The following ROBO2 variants were observed in gnomAD, a reference collection of about 807,000 sequenced individuals.
ROBO2 encodes the protein roundabout homolog 2.
A neutral mutation model predicts 160.8 loss-of-function variants in ROBO2; 53 were observed. The observed-to-expected ratio is 0.33, with a 90% confidence interval of 0.26 to 0.41. The LOEUF (loss-of-function observed/expected upper bound fraction) is 0.41. Among genes scored for constraint, ROBO2 ranks in the 10% least tolerant of loss-of-function variants. The pLI is 1.00. For missense variants in ROBO2, 1,577 were observed against 1,722.4 expected (o/e 0.92, Z 1.49); for synonymous variants, 664 against 611.7 (o/e 1.09, Z -1.26).
intron 2 of ROBO2, among the ~76,000 whole-genome samples, chr3:76,515,592 T>C (rs10511045): frequency 0.3 from 45,739 of 152,028 alleles, 8,531 homozygotes; most frequent in Non-Finnish European, 0.41. Flanking sequence ...TTGTGTACAT[T>C]TGCATATAAA....
Position 77,294,793 on chromosome 3 carries a change from G to A in ROBO2, c.389-182621G>A, listed in dbSNP as rs150419776. On this transcript the variant is annotated intron_variant, in intron 2 of 25. Coordinates refer to ENST00000461745, the Ensembl canonical transcript of ROBO2. The stretch of plus-strand genomic sequence containing the variant: ...CAAAGTAAAATTGACGGTTAAACGG[G>A]TAAGCTGAGGCTAGATCACCCCAGA... Among the ~76,000 whole-genome samples the A allele has an allele frequency of 8.9e-3, 1,347 of 150,686 alleles. 13 individuals are homozygous for A. The highest frequency in any genetic ancestry group is 0.016 in the Non-Finnish European group (1,066 of 67,824).
At chr3:76,597,299 C>T (rs1393654033) in intron 2 of ROBO2, among the ~76,000 whole-genome samples, 4 of 151,648 alleles carry the variant, frequency 2.6e-5, no homozygotes, top group South Asian at 2.1e-4. Flanking sequence ...CTGTAAAAGC[C>T]GTGTGAAGAG....
At chr3:76,465,998 G>GGT (rs57838247) in intron 2 of ROBO2, among the ~76,000 whole-genome samples, 9,903 of 147,494 alleles carry the variant, frequency 0.067, 342 homozygotes, top group Non-Finnish European at 0.08. Flanking sequence ...ATAAAATATG[G>GGT]GTGTGTGTGT....
At chr3:75,999,080 T>A (rs1026761225) in intron 2 of ROBO2, among the ~76,000 whole-genome samples, 1 of 152,228 alleles carries the variant, frequency 6.6e-6, no homozygotes, top group Non-Finnish European at 1.5e-5. Context: ...AAATCCTACA[T>A]CCTCTGCTTT....
intron 2 of ROBO2, among the ~76,000 whole-genome samples, chr3:77,001,225 C>T (rs1413016712): frequency 2.0e-5 from 3 of 152,168 alleles, no homozygotes; most frequent in Admixed American, 6.6e-5. Context: ...AAAGCAGACG[C>T]ATTTTCAAGG....
chr3:77,446,587 A>G (rs1245787684), intron 2 of ROBO2, among the ~76,000 whole-genome samples: 1 of 152,026 alleles, frequency 6.6e-6, no homozygotes, highest in Non-Finnish European at 1.5e-5. Context: ...ATCACTTTAT[A>G]TCTGTAAAAA....
In ROBO2 at chr3:77,592,978, T is replaced by A. The variant is rs192646198; in HGVS notation, c.2684-2164T>A. Among the ~76,000 whole-genome samples the A allele has an allele frequency of 5.9e-5, 9 of 152,316 alleles. No homozygotes were observed. The East Asian group carries it at 1.7e-3, about 29-fold the overall frequency. ...GCCACTCAATGTTTGTACCTCTGTG[T>A]CTGTTGTCCTCCTTTTCTCTAATAT... On this transcript the variant is annotated intron_variant, in intron 17 of 25. Transcript: ENST00000461745.
intron 2 of ROBO2, among the ~76,000 whole-genome samples, chr3:76,872,567 G>T (rs1251658370): frequency 1.3e-5 from 2 of 151,810 alleles, no homozygotes; most frequent in South Asian, 2.1e-4. Context: ...TCCAAAAAAG[G>T]TATAGAATTG....
chr3:76,591,391 G>A (rs2086408635), intron 2 of ROBO2, among the ~76,000 whole-genome samples: 1 of 152,094 alleles, frequency 6.6e-6, no homozygotes, highest in Non-Finnish European at 1.5e-5. Flanking sequence ...GGCCTATGTA[G>A]TTCAGACCTG....
intron 2 of ROBO2, among the ~76,000 whole-genome samples, chr3:77,345,755 A>G (rs1041184643): frequency 1.3e-5 from 2 of 152,152 alleles, no homozygotes; most frequent in African/African-American, 2.4e-5. Context: ...GCCTAGAATA[A>G]ATTATCAAGA....
At chr3:76,024,452 GTAGT>G (rs1394856608) in intron 2 of ROBO2, among the ~76,000 whole-genome samples, 4 of 151,326 alleles carry the variant, frequency 2.6e-5, no homozygotes, top group Non-Finnish European at 4.4e-5. Flanking sequence ...TCATTTGCAA[GTAGT>G]TAGTTTCTGA....
At chr3:76,376,891 A>C (rs574497443) in intron 2 of ROBO2, among the ~76,000 whole-genome samples, 1 of 152,190 alleles carries the variant, frequency 6.6e-6, no homozygotes, top group Admixed American at 6.5e-5. Flanking sequence ...TCCAGGGTTT[A>C]GGTTCTGGTT....
chr3:76,340,161 A>G (rs1335219545), intron 2 of ROBO2, among the ~76,000 whole-genome samples: 1 of 151,954 alleles, frequency 6.6e-6, no homozygotes, highest in East Asian at 1.9e-4. Flanking sequence ...TAATTGCACA[A>G]CACTGACTGT....
rs1184908077 is a variant in ROBO2, at chr3:76,188,683, C to T, written c.109+251081C>T. On this transcript the variant is annotated intron_variant, in intron 2 of 26. Coordinates refer to the ROBO2 transcript ENST00000487694. Reference sequence around the variant, plus strand: ...TCTAACCTGTTTTGTTTTAGATTACCTTTTATGATTTATTTTCCTTCAAAC... The same window carrying T: ...TCTAACCTGTTTTGTTTTAGATTACTTTTTATGATTTATTTTCCTTCAAAC... Among the ~76,000 whole-genome samples the T allele has an allele frequency of 2.0e-5, 3 of 152,136 alleles. No homozygotes were observed. The East Asian group carries it at 5.8e-4, about 29-fold the overall frequency.
chr3:76,481,095 G>A (rs1306515508), intron 2 of ROBO2, among the ~76,000 whole-genome samples: 1 of 152,126 alleles, frequency 6.6e-6, no homozygotes, highest in Non-Finnish European at 1.5e-5. Context: ...ATATGAGCAA[G>A]GAAATGCGTC....
chr3:76,622,829 C>T (rs898982853), intron 2 of ROBO2, among the ~76,000 whole-genome samples: 10 of 152,124 alleles, frequency 6.6e-5, no homozygotes, highest in Non-Finnish European at 1.2e-4. Flanking sequence ...CAAAAGAGTG[C>T]CAAGAAACTA....
intron 5 of ROBO2, among the ~76,000 whole-genome samples, chr3:77,503,645 C>T (rs540809817): frequency 5.3e-5 from 8 of 151,910 alleles, no homozygotes; most frequent in Admixed American, 4.6e-4. Context: ...TTGCTAATTT[C>T]CTGATAATGT....
At chr3:76,431,859 T>G (rs1042832446) in intron 2 of ROBO2, among the ~76,000 whole-genome samples, 3 of 152,200 alleles carry the variant, frequency 2.0e-5, no homozygotes, top group Non-Finnish European at 4.4e-5. Context: ...TGGGGGGATT[T>G]AAATGTATTT....
At chr3:76,363,264 A>C (rs1305507793) in intron 2 of ROBO2, among the ~76,000 whole-genome samples, 1 of 152,034 alleles carries the variant, frequency 6.6e-6, no homozygotes, top group South Asian at 2.1e-4. Context: ...CATTGAATTT[A>C]TGGTCTTACT....
Sources: gnomAD v4.1 joint callset for allele counts (sites outside exome capture counted in the v4.1 genomes callset) on GRCh38, gnomAD v4.1.1 for gene constraint, MANE v1.5 for transcripts, NCBI Gene and HGNC (gene_info 2026-07-23, HGNC 2026-07-21) for gene names.